DMD: variants seen among roughly 807,000 people sequenced by gnomAD.
DMD encodes the protein mutant dystrophin.
DMD carries 63 observed loss-of-function variants against 330.1 expected under a neutral mutation model. The observed-to-expected ratio is 0.19, with a 90% CI of 0.16 to 0.24. The LOEUF is 0.24. Ranked by LOEUF, DMD falls within the 10% of genes least tolerant of loss-of-function variation. DMD has a pLI of 1.00. For missense variants in DMD, 3,344 were observed against 2,684.1 expected (o/e 1.25, Z -5.43); for synonymous variants, 1,223 against 959.8 (o/e 1.27, Z -5.07).
At chrX:32,853,002 G>C (rs914736299) in intron 2 of DMD, among the ~76,000 whole-genome samples, 1 of 111,836 alleles carries the variant, frequency 8.9e-6, no homozygotes, top group African/African-American at 3.2e-5. Context: ...ATTCCAAAAA[G>C]CTTAACAACA....
chrX:31,397,745 G>A (rs974616787), intron 60 of DMD, among the ~76,000 whole-genome samples: 3 of 112,243 alleles, frequency 2.7e-5, no homozygotes, highest in African/African-American at 6.5e-5. Flanking sequence ...TTGTAAGGCT[G>A]GTGTGGGGGT....
chrX:33,204,634 T>A (rs1402271249), intron 1 of DMD, among the ~76,000 whole-genome samples: 1 of 111,696 alleles, frequency 9.0e-6, no homozygotes, highest in Non-Finnish European at 1.9e-5. Flanking sequence ...CTTGAAATGC[T>A]AGTCTCTCTT....
chrX:31,458,885 CA>C (rs200710072), intron 59 of DMD, among the ~76,000 whole-genome samples: 272 of 106,206 alleles, frequency 2.6e-3, no homozygotes, highest in African/African-American at 8.7e-3. Flanking sequence ...AACCTTTATA[CA>C]AAAAAAAAAT....
chrX:32,777,975 C>G (rs1360014168), intron 7 of DMD, among the ~76,000 whole-genome samples: 1 of 111,926 alleles, frequency 8.9e-6, no homozygotes, highest in Admixed American at 9.5e-5. Context: ...ATACAAGAAG[C>G]AATCCCAGCA....
intron 64 of DMD, among the ~76,000 whole-genome samples, chrX:31,221,538 T>C (rs1242738471): frequency 1.8e-5 from 2 of 112,790 alleles, no homozygotes; most frequent in Non-Finnish European, 3.7e-5. Flanking sequence ...TCTTTGAATC[T>C]CATTCCACAC....
chrX:31,296,857 C>A (rs779986123), intron 62 of DMD, among the ~76,000 whole-genome samples: 5 of 111,566 alleles, frequency 4.5e-5, no homozygotes, highest in East Asian at 5.6e-4. Context: ...GGATTGGTAC[C>A]ACTCTAAATT....
At chrX:31,298,976 T>C (rs1227040066) in intron 62 of DMD, among the ~76,000 whole-genome samples, 1 of 112,139 alleles carries the variant, frequency 8.9e-6, no homozygotes, top group East Asian at 2.8e-4. Context: ...TTTTCTTTTT[T>C]TGGGAAACAA....
At chrX:32,049,436 A>G (rs1030849622) in intron 44 of DMD, among the ~76,000 whole-genome samples, 1 of 111,380 alleles carries the variant, frequency 9.0e-6, no homozygotes, top group Non-Finnish European at 1.9e-5. Flanking sequence ...TGCATATATA[A>G]TTACTAAATG....
chrX:32,514,433 G>A (rs988775022), intron 18 of DMD, among the ~76,000 whole-genome samples: 1 of 112,020 alleles, frequency 8.9e-6, no homozygotes, highest in Admixed American at 9.4e-5. Flanking sequence ...ATGAAGAACT[G>A]CTGGTTTTGT....
At chrX:31,912,124 G>A (rs2094555532) in intron 47 of DMD, among the ~76,000 whole-genome samples, 1 of 111,040 alleles carries the variant, frequency 9.0e-6, no homozygotes, top group Non-Finnish European at 1.9e-5. Flanking sequence ...TGTACCAAAA[G>A]TCATGGTCAC....
At chrX:32,564,108 C>G (rs763094033) in intron 16 of DMD, among the ~76,000 whole-genome samples, 38 of 111,182 alleles carry the variant, frequency 3.4e-4, no homozygotes, top group African/African-American at 1.2e-3. Flanking sequence ...ATTTTTAGGT[C>G]CTTATCACAG....
At chrX:32,647,502 C>A (rs1002310779) in intron 9 of DMD, among the ~76,000 whole-genome samples, 3 of 111,458 alleles carry the variant, frequency 2.7e-5, no homozygotes, top group Non-Finnish European at 5.7e-5. Flanking sequence ...TACAAACGAC[C>A]AAGAAACCCT....
chrX:33,174,803 T>A (rs1039159978), intron 1 of DMD, among the ~76,000 whole-genome samples: 2 of 112,294 alleles, frequency 1.8e-5, no homozygotes, highest in Non-Finnish European at 3.8e-5. Flanking sequence ...AATTCATGCA[T>A]GAAATTCTGT....
At chrX:32,391,761 G>A (rs2098004394) in intron 30 of DMD, among the ~76,000 whole-genome samples, 1 of 111,753 alleles carries the variant, frequency 8.9e-6, no homozygotes, top group African/African-American at 3.3e-5. Flanking sequence ...TTGGATGGAA[G>A]TATGCAGGGT....
chrX:31,520,242 G>A (rs1042028601), intron 55 of DMD, among the ~76,000 whole-genome samples: 3 of 111,440 alleles, frequency 2.7e-5, no homozygotes, highest in Non-Finnish European at 3.8e-5. Flanking sequence ...ACTGTAATCC[G>A]GGGGAACCTG....
intron 56 of DMD, among the ~76,000 whole-genome samples, chrX:31,497,258 T>C (rs952941234): frequency 8.9e-6 from 1 of 111,898 alleles, no homozygotes; most frequent in African/African-American, 3.2e-5. Flanking sequence ...GTAGAAAAAA[T>C]TGGATGCAGT....
At chrX:32,461,783 A>G (rs1249339136) in intron 25 of DMD, among the ~76,000 whole-genome samples, 1 of 110,375 alleles carries the variant, frequency 9.1e-6, no homozygotes, top group Non-Finnish European at 1.9e-5. Context: ...GAAAACATCA[A>G]TGGTATAATC....
At chrX:32,927,201 A>T (rs1054408839) in intron 2 of DMD, among the ~76,000 whole-genome samples, 1 of 111,167 alleles carries the variant, frequency 9.0e-6, no homozygotes, top group Non-Finnish European at 1.9e-5. Context: ...TTCTGTCCAA[A>T]TCATTCCAGC....
At chrX:32,859,493 ACACACACACACACACAC>A (rs2081901412) in intron 2 of DMD, among the ~76,000 whole-genome samples, 1 of 103,104 alleles carries the variant, frequency 9.7e-6, no homozygotes, top group Non-Finnish European at 2.0e-5. Flanking sequence ...ACACACACAC[ACACACACACACACACAC>A]AAGTTAAAGT....
Sources: gnomAD v4.1 joint callset for allele counts (sites outside exome capture counted in the v4.1 genomes callset) on GRCh38, gnomAD v4.1.1 for gene constraint, MANE v1.5 for transcripts, NCBI Gene and HGNC (gene_info 2026-07-23, HGNC 2026-07-21) for gene names.